DACH2: variants seen among roughly 807,000 people sequenced by gnomAD.
DACH2 encodes the protein dachshund homolog 2.
Under a neutral mutation model 35.8 loss-of-function variants are expected in DACH2, and 17 were observed. That is an observed-to-expected ratio of 0.48 (90% CI 0.33 to 0.71). The LOEUF is 0.71. Among genes scored for constraint, DACH2 ranks in the 30% least tolerant of loss-of-function variants. The pLI is 0.02. For missense variants in DACH2, 469 were observed against 472.7 expected (o/e 0.99, Z 0.07); for synonymous variants, 195 against 177.3 (o/e 1.10, Z -0.79).
At chrX:86,306,308 C>T (rs2034686470) in intron 1 of DACH2, among the ~76,000 whole-genome samples, 1 of 111,894 alleles carries the variant, frequency 8.9e-6, no homozygotes, top group Non-Finnish European at 1.9e-5. Context: ...CATGGATAAA[C>T]CTGGAGGACG....
At chrX:86,760,942 T>G (rs1419703927) in intron 7 of DACH2, among the ~76,000 whole-genome samples, 1 of 111,887 alleles carries the variant, frequency 8.9e-6, no homozygotes, top group Non-Finnish European at 1.9e-5. Context: ...TGGCTCTGAT[T>G]TTGGATGCAT....
At chrX:86,248,745 T>C (rs2033339062) in intron 1 of DACH2, among the ~76,000 whole-genome samples, 1 of 111,383 alleles carries the variant, frequency 9.0e-6, no homozygotes, top group African/African-American at 3.3e-5. Context: ...GAAACAATCC[T>C]AAGTAAAAAG....
chrX:86,327,700 G>C (rs1432417754), intron 1 of DACH2, among the ~76,000 whole-genome samples: 1 of 111,828 alleles, frequency 8.9e-6, no homozygotes, highest in Non-Finnish European at 1.9e-5. Context: ...CATTTAGTTT[G>C]CTCTCTTATT....
rs184034870 is a variant in DACH2 at position 86,244,250 on chromosome X, C to T, written c.488+95142C>T. 8.0e-5 allele frequency among the ~76,000 whole-genome samples: 9 copies of T among 111,963 alleles called. No homozygotes were observed. In the East Asian group the frequency reaches 2.5e-3, roughly 32 times the overall value. On this transcript the variant is annotated intron_variant, in intron 1 of 11. Coordinates refer to ENST00000373125, the MANE Select transcript of DACH2 (RefSeq NM_053281.3). ...TTCTACACTGAATTTGAACAGGGGA[C>T]AAAAGCCTTTCTGTTCTATAATCAT...
At chrX:86,746,313 C>G (rs1485995899) in intron 7 of DACH2, among the ~76,000 whole-genome samples, 1 of 111,190 alleles carries the variant, frequency 9.0e-6, no homozygotes, top group Non-Finnish European at 1.9e-5. Flanking sequence ...TGTTTAAGCA[C>G]TTGAGGAACT....
intron 1 of DACH2, among the ~76,000 whole-genome samples, chrX:86,366,387 A>G (rs2035807010): frequency 9.0e-6 from 1 of 110,710 alleles, no homozygotes; most frequent in South Asian, 3.9e-4. Context: ...TAATTCATTC[A>G]CTCTTTTTGT....
chrX:86,234,979 T>C (rs762521848), intron 1 of DACH2, among the ~76,000 whole-genome samples: 22 of 111,977 alleles, frequency 2.0e-4, no homozygotes, highest in Non-Finnish European at 3.8e-4. Context: ...TTTTACCTAA[T>C]GTCCTTTTCC....
intron 7 of DACH2, among the ~76,000 whole-genome samples, chrX:86,765,216 G>T (rs952204258): frequency 9.0e-6 from 1 of 111,502 alleles, no homozygotes; most frequent in Admixed American, 9.5e-5. Flanking sequence ...CTGGGCATAA[G>T]TTCTTTAATT....
chrX:86,298,901 A>G (rs1200793818), intron 1 of DACH2, among the ~76,000 whole-genome samples: 5 of 112,092 alleles, frequency 4.5e-5, no homozygotes, highest in Non-Finnish European at 7.5e-5. Flanking sequence ...GAAGAAAACC[A>G]CAGTGAAGTT....
intron 1 of DACH2, among the ~76,000 whole-genome samples, chrX:86,212,458 A>T (rs903036010): frequency 1.8e-5 from 2 of 111,601 alleles, no homozygotes; most frequent in African/African-American, 6.5e-5. Context: ...AAATTGTATT[A>T]TAACATATAC....
intron 2 of DACH2, among the ~76,000 whole-genome samples, chrX:86,406,973 A>G (rs763535730): frequency 8.9e-6 from 1 of 112,440 alleles, no homozygotes; most frequent in African/African-American, 3.2e-5. Context: ...TAATGAAGCA[A>G]TCATGTAGGA....
chrX:86,462,577 C>T (rs1433185035), intron 2 of DACH2, among the ~76,000 whole-genome samples: 15 of 111,198 alleles, frequency 1.3e-4, no homozygotes, highest in African/African-American at 4.9e-4. Flanking sequence ...TGGAGAATTG[C>T]AGAATACCTA....
Position 86,708,756 on chromosome X carries a change from C to T in DACH2, c.932-5792C>T, listed in dbSNP as rs182688605. Among the ~76,000 whole-genome samples the T allele has an allele frequency of 6.0e-3, 671 of 111,221 alleles. 7 individuals are homozygous for T. The highest frequency in any genetic ancestry group is 0.021 in the African/African-American group (640 of 30,621). The stretch of plus-strand genomic sequence containing the variant: ...TACACAATATATCCATGTAACAAAA[C>T]TGCACTTCTACCTCTTAAATTTGTA... On this transcript the variant is annotated intron_variant, in intron 5 of 11. Coordinates refer to ENST00000373125, the MANE Select transcript of DACH2 (RefSeq NM_053281.3).
intron 3 of DACH2, among the ~76,000 whole-genome samples, chrX:86,540,377 A>C (rs62593269): frequency 0.062 from 6,964 of 112,098 alleles, 171 homozygotes; most frequent in Middle Eastern, 0.11. Context: ...TGTGAATCTG[A>C]AGACAGGCAC....
intron 1 of DACH2, among the ~76,000 whole-genome samples, chrX:86,257,939 G>A (rs1337012299): frequency 9.0e-6 from 1 of 111,270 alleles, no homozygotes; most frequent in Non-Finnish European, 1.9e-5. Context: ...CACAGATATG[G>A]ATACAGATCG....
At chrX:86,650,008 A>C (rs1435505830) in intron 3 of DACH2, among the ~76,000 whole-genome samples, 3 of 110,845 alleles carry the variant, frequency 2.7e-5, no homozygotes, top group African/African-American at 9.8e-5. Flanking sequence ...ACATTATCTA[A>C]AAATAATTAA....
At chrX:86,491,950 T>C (rs774377364) in intron 2 of DACH2, among the ~76,000 whole-genome samples, 1 of 111,838 alleles carries the variant, frequency 8.9e-6, no homozygotes, top group African/African-American at 3.2e-5. Flanking sequence ...TACATGTGCC[T>C]TTTAACATCA....
chrX:86,830,663 C>A (rs1363905601), intron 11 of DACH2: 1 of 111,549 alleles, frequency 9.0e-6, no homozygotes, highest in Non-Finnish European at 1.9e-5. Flanking sequence ...TTCATGTACC[C>A]TTTTTAAGGG....
intron 3 of DACH2, among the ~76,000 whole-genome samples, chrX:86,554,692 A>T (rs1488213441): frequency 9.0e-6 from 1 of 111,631 alleles, no homozygotes; most frequent in Non-Finnish European, 1.9e-5. Flanking sequence ...CGACCAATTA[A>T]GTATTGTTTC....
Sources: allele counts gnomAD v4.1 joint callset (sites outside exome capture counted in the v4.1 genomes callset), GRCh38; gene constraint gnomAD v4.1.1; transcripts MANE v1.5; gene names NCBI Gene and HGNC (gene_info 2026-07-23, HGNC 2026-07-21).